CEACAM3: variants seen among roughly 807,000 people sequenced by gnomAD.
CEACAM3 encodes cell adhesion molecule CEACAM3.
Under a neutral mutation model 30.1 loss-of-function variants are expected in CEACAM3, and 32 were observed. The observed-to-expected ratio is 1.06, with a 90% confidence interval of 0.80 to 1.43. The LOEUF is 1.43. Ranked by LOEUF, CEACAM3 falls within the 40% of genes most tolerant of loss-of-function variation. The pLI is 0.00. For synonymous variants in CEACAM3, 134 were observed against 127.2 expected (o/e 1.05, Z -0.36); for missense variants, 290 against 316.3 (o/e 0.92, Z 0.63).
intron 2 of CEACAM3, among the ~76,000 whole-genome samples, chr19:41,805,553 G>A (rs930535420): frequency 4.6e-5 from 7 of 152,006 alleles, no homozygotes; most frequent in Admixed American, 4.6e-4. Context: ...CATCCCAAAA[G>A]GCTGGGATTA....
At chr19:41,798,091 G>A (rs1000375077) in intron 2 of CEACAM3, 143 bp downstream of exon 2, 17 of 1,365,462 alleles carry the variant, frequency 1.2e-5, no homozygotes, top group East Asian at 2.3e-5. Context: ...GGACACACAC[G>A]GGGGAGACAA....
intron 1 of CEACAM3, chr19:41,797,327 C>T: frequency 2.1e-6 from 1 of 469,896 alleles, no homozygotes; most frequent in Non-Finnish European, 3.8e-6. Context: ...GAGGGATCTC[C>T]CAAGGATGCC....
chr19:41,800,111 A>G (rs1555825820), intron 2 of CEACAM3, among the ~76,000 whole-genome samples: 2 of 152,242 alleles, frequency 1.3e-5, no homozygotes, highest in South Asian at 2.1e-4. Context: ...ATATGTGAAT[A>G]TCATTAATCA....
intron 2 of CEACAM3, among the ~76,000 whole-genome samples, chr19:41,804,081 CAAA>C (rs560733370): frequency 8.3e-6 from 1 of 120,204 alleles, no homozygotes; most frequent in African/African-American, 3.1e-5. Context: ...AACTCTGCCT[CAAA>C]AAAAAAAAAA....
Position 41,797,673 on chromosome 19 carries a change from A to AG in CEACAM3, c.151dup (p.Val51GlyfsTer66). 3.1e-6 allele frequency: 5 copies of AG among 1,614,040 alleles called. No homozygotes were observed. The East Asian group carries it at 1.1e-4, about 36-fold the overall frequency. On this transcript the variant is annotated frameshift_variant, in exon 2 of 7. Coordinates refer to ENST00000357396, the MANE Select transcript of CEACAM3 (RefSeq NM_001815.5). LOFTEE classifies it high-confidence loss of function. ...CCGCTCAGTGTCGCAGAGGGGAAGG[A>AG]GGTGCTTCTACTTGTCCACAATCTG... is the stretch of plus-strand genomic sequence containing the variant.
Position 41,811,292 on chromosome 19 carries a change from C to T in CEACAM3, c.*55C>T, listed in dbSNP as rs2123028215. The T allele has an allele frequency of 7.5e-6, 11 of 1,476,330 alleles. No homozygotes were observed. Among genetic ancestry groups the T allele is most frequent in the Non-Finnish European group, 8.5e-6 (9 of 1,057,092 alleles). The allele number at this position is 1,476,330 out of a possible 1,614,324, so 91.5% of individuals were successfully genotyped here. A position where few individuals can be genotyped will look rare whatever the true frequency, so the allele number is the denominator to read the frequency against. On this transcript the variant is annotated 3_prime_UTR_variant, in exon 7 of 7. Coordinates refer to ENST00000357396, the MANE Select transcript of CEACAM3 (RefSeq NM_001815.5). ...ATGGAGAGTCCCCAAGGCCCCCAGC[C>T]CTGGGGATGGGGAAGGACATGAAGC...
chr19:41,811,401 G>A lies in CEACAM3; in HGVS notation c.*164G>A, dbSNP rs2073249602. ...GGATGGGGGTCCCTGATGAATATCT[G>A]GAGACCTCGACAGCCTGCCCTAGGC... On this transcript the variant is annotated 3_prime_UTR_variant, in exon 7 of 7. Coordinates refer to ENST00000357396, the MANE Select transcript of CEACAM3 (RefSeq NM_001815.5). 2 of 640,358 alleles carry A rather than the reference G, an allele frequency of 3.1e-6. No homozygotes were observed. The highest frequency in any genetic ancestry group is 4.2e-4 in the Middle Eastern group (1 of 2,386). The allele number at this position is 640,358 out of a possible 1,614,324, so 39.7% of individuals were successfully genotyped here. A position where few individuals can be genotyped will look rare whatever the true frequency, so the allele number is the denominator to read the frequency against.
At chr19:41,810,427 G>T in intron 5 of CEACAM3, 73 bp downstream of exon 5, 1 of 1,488,848 alleles carries the variant, frequency 6.7e-7, no homozygotes. Context: ...GGGACCATCA[G>T]CCCCCCAGCA....
intron 2 of CEACAM3, chr19:41,806,962 C>A: frequency 1.4e-6 from 2 of 1,422,582 alleles, no homozygotes; most frequent in Non-Finnish European, 1.9e-6. Flanking sequence ...GCTGGGATTA[C>A]AGGCGTGAGC....
rs1009840733 is a variant in CEACAM3 at position 41,810,154 on chromosome 19, G to T, written c.595+137G>T. On this transcript the variant is annotated intron_variant, in intron 4 of 6. Transcript: ENST00000357396. ...GGAGGATCTCATAAAACATCACACA[G>T]GGGACCCCAATTGCTTGGGTCAGCC... The T allele has an allele frequency of 8.6e-6, 11 of 1,282,628 alleles. No individual in the cohort carries two copies. In the Admixed American group the frequency reaches 2.1e-4, roughly 24 times the overall value. The allele number at this position is 1,282,628 out of a possible 1,614,324, so 79.5% of individuals were successfully genotyped here. A position where few individuals can be genotyped will look rare whatever the true frequency, so the allele number is the denominator to read the frequency against.
At chr19:41,807,054 C>A (rs2073207445) in intron 2 of CEACAM3, 1 of 1,605,556 alleles carries the variant, frequency 6.2e-7, no homozygotes, top group African/African-American at 1.3e-5. Context: ...TTAAAATATG[C>A]CTGTGGAGGA....
intron 6 of CEACAM3, 67 bp from the exon 7 acceptor site, chr19:41,811,105 C>G (rs2123027590): frequency 1.3e-6 from 2 of 1,551,766 alleles, no homozygotes; most frequent in Non-Finnish European, 1.8e-6. Flanking sequence ...GGGCCCAGAG[C>G]CTGGGAGACG....
intron 1 of CEACAM3, 198 bp from the exon 2 acceptor site, chr19:41,797,391 G>A: frequency 3.0e-6 from 2 of 658,960 alleles, no homozygotes; most frequent in Admixed American, 3.0e-5. Flanking sequence ...AGACCCCTGG[G>A]GAAGGGGATT....
chr19:41,810,322 G>C lies in CEACAM3; in HGVS notation c.596-1G>C. 1 of 1,604,818 alleles carries C rather than the reference G, an allele frequency of 6.2e-7. No individual in the cohort carries two copies. The highest frequency in any genetic ancestry group is 1.1e-5 in the South Asian group (1 of 88,990). On this transcript the variant is annotated splice_acceptor_variant, in intron 4 of 6. Transcript: ENST00000357396. LOFTEE classifies it high-confidence loss of function. ...CTGCTCACTCCTGTCTCTGTTTCCA[G>C]GCCGTGGTCCCTCCCACAGCTCTGC...
At chr19:41,799,324 T>C (rs1555825730) in intron 2 of CEACAM3, among the ~76,000 whole-genome samples, 1 of 152,002 alleles carries the variant, frequency 6.6e-6, no homozygotes, top group Non-Finnish European at 1.5e-5. Context: ...GCCTCCACAC[T>C]CTCTCTTGCT....
At chr19:41,809,786 G>T (rs929368931) in intron 3 of CEACAM3, 179 bp from the exon 4 acceptor site, 1 of 664,702 alleles carries the variant, frequency 1.5e-6, no homozygotes, top group Admixed American at 2.3e-5. Flanking sequence ...GACAGATGTG[G>T]GTTCCTAAAG....
Position 41,797,804 on chromosome 19 carries a change from G to C in CEACAM3, c.280G>C (p.Ala94Pro). The C allele has an allele frequency of 6.2e-7, 1 of 1,612,394 alleles. No individual in the cohort carries two copies. The highest frequency in any genetic ancestry group is 8.5e-7 in the Non-Finnish European group (1 of 1,180,020). Residue 94 changes from alanine to proline, a missense_variant, in exon 2 of 7, where the codon GCA (alanine) becomes CCA (proline). Physicochemically the swap from Ala to Pro is conservative, Grantham distance 27. Coordinates refer to ENST00000357396, the MANE Select transcript of CEACAM3 (RefSeq NM_001815.5). ...AACTCAACAAGCTACCCCAGGGGCC[G>C]CATACAGCGGTCGAGAGACAATATA... ...IGTQQATPGA[A>P]YSGRETIYTN...
Position 41,796,686 on chromosome 19 carries a change from C to G in CEACAM3, c.9C>G (p.Pro3=), listed in dbSNP as rs782113288. 6.2e-7 allele frequency: 1 copy of G among 1,614,156 alleles called. No individual in the cohort carries two copies. Among genetic ancestry groups the G allele is most frequent in the Non-Finnish European group, 8.5e-7 (1 of 1,179,998 alleles). The change falls in exon 1 of 7, where the codon CCC becomes CCG. Residue 3 remains proline (P), a synonymous_variant. Coordinates refer to ENST00000357396, the MANE Select transcript of CEACAM3 (RefSeq NM_001815.5). MG[P]PSASPHRECI... ...AGCAGGCAGCAGAGACCATGGGGCC[C>G]CCCTCAGCCTCTCCCCACAGAGAAT...
intron 2 of CEACAM3, among the ~76,000 whole-genome samples, chr19:41,799,076 G>T (rs2073126673): frequency 1.3e-5 from 2 of 152,172 alleles, no homozygotes; most frequent in African/African-American, 4.8e-5. Flanking sequence ...GGAGATTTTG[G>T]TCTGGAGAGT....
Sources: gnomAD v4.1 joint callset for allele counts (sites outside exome capture counted in the v4.1 genomes callset) on GRCh38, gnomAD v4.1.1 for gene constraint, MANE v1.5 for transcripts, NCBI Gene and HGNC (gene_info 2026-07-23, HGNC 2026-07-21) for gene names.